TRO: variants seen among roughly 807,000 people sequenced by gnomAD.
TRO encodes the protein trophinin, also known as MAGE superfamily protein.
TRO carries 29 observed loss-of-function variants against 42.3 expected under a neutral mutation model. That is an observed-to-expected ratio of 0.68 (90% CI 0.51 to 0.93). TRO has a LOEUF of 0.93. Among genes scored for constraint, TRO ranks in the 40% least tolerant of loss-of-function variants. TRO has a pLI of 0.00. For synonymous variants in TRO, 384 were observed against 425.2 expected (o/e 0.90, Z 1.19); for missense variants, 963 against 1,127.7 (o/e 0.85, Z 2.09).
In TRO at chrX:54,931,290, A is replaced by G. The variant is rs1423933478; in HGVS notation, c.*98A>G. On this transcript the variant is annotated 3_prime_UTR_variant, in exon 13 of 13. Coordinates refer to ENST00000173898, the MANE Select transcript of TRO (RefSeq NM_001039705.3). Reference sequence around the variant, plus strand: ...AAGTACATCCTTGGAATCTTTGTCCACACAGCAGTCAAGGCAGTTATGGCC... The same window carrying G: ...AAGTACATCCTTGGAATCTTTGTCCGCACAGCAGTCAAGGCAGTTATGGCC... The G allele has an allele frequency of 8.2e-7, 1 of 1,212,191 alleles. No homozygotes were observed. The highest frequency in any genetic ancestry group is 1.8e-5 in the South Asian group (1 of 57,041).
rs746833098 is a variant in TRO at position 54,930,633 on chromosome X, T to A, written c.3909T>A (p.Leu1303=). 3.3e-6 allele frequency: 4 copies of A among 1,206,558 alleles called. No individual in the cohort carries two copies. The South Asian group carries it at 7.1e-5, about 21-fold the overall frequency. ...LGTNASFGST[L]GTSAGFSGGL... ...CCAATGCTAGTTTCGGCAGCACACT[T>A]GGCACCAGTGCTGGCTTTAGTGGTG... Residue 1303 remains leucine, a synonymous_variant, in exon 12 of 13, where the codon CTT becomes CTA. Transcript: ENST00000173898.
chrX:54,926,476 C>A lies in TRO; in HGVS notation c.1644C>A (p.Asn548Lys), dbSNP rs753884277. 1 of 1,212,099 alleles carries A rather than the reference C, an allele frequency of 8.3e-7. No homozygotes were observed. Among genetic ancestry groups the A allele is most frequent in the South Asian group, 1.8e-5 (1 of 56,991 alleles). The change falls in exon 8 of 13, where the codon AAC (asparagine) becomes AAA (lysine). Residue 548 changes from asparagine to lysine, a missense_variant. By Grantham distance (94) the Asn-to-Lys change is moderately conservative. Around this residue, in one of 2 missense-constraint regions of TRO, gnomAD observed 641 missense variants for 811.3 expected, o/e 0.79. Transcript: ENST00000173898. ...TGAGTGTCATTTTTATGAATGGCAA[C>A]AAGGCCAGTGAGGGTGAGTGGCTGG... Reference protein sequence around the residue: ...VILSVIFMNGNKASEAVIWEV... With the variant: ...VILSVIFMNGKKASEAVIWEV...
At chrX:54,925,735 C>A in intron 7 of TRO, 52 bp downstream of exon 7, 1 of 1,022,524 alleles carries the variant, frequency 9.8e-7, no homozygotes, top group Non-Finnish European at 1.4e-6. Flanking sequence ...TTTATCTGTG[C>A]TGCTACCCCT....
chrX:54,926,941 C>G (rs1932786379), intron 9 of TRO, 102 bp from the exon 10 acceptor site: 1 of 959,137 alleles, frequency 1.0e-6, no homozygotes, highest in Admixed American at 2.6e-5. Flanking sequence ...TTCATTGAGA[C>G]TGCCCCATGT....
In TRO at chrX:54,930,096, C is replaced by T; in HGVS notation, c.3372C>T (p.Ser1124=). 1 of 1,210,675 alleles carries T rather than the reference C, an allele frequency of 8.3e-7. No individual in the cohort carries two copies. The highest frequency in any genetic ancestry group is 1.1e-6 in the Non-Finnish European group (1 of 895,141). ...STAADFGGTP[S]NSIGFGAAPS... ...CTGCTGACTTCGGTGGTACTCCCAG[C>T]AACAGCATTGGCTTTGGTGCTGCTC... Residue 1124 remains serine, a synonymous_variant, in exon 12 of 13, where the codon AGC becomes AGT. Coordinates refer to ENST00000173898, the MANE Select transcript of TRO (RefSeq NM_001039705.3).
Position 54,928,742 on chromosome X carries a change from C to G in TRO, c.2018C>G (p.Ala673Gly). 8.3e-7 allele frequency: 1 copy of G among 1,210,379 alleles called. No individual in the cohort carries two copies. Among genetic ancestry groups the G allele is most frequent in the Non-Finnish European group, 1.1e-6 (1 of 894,767 alleles). Reference sequence around the variant, plus strand: ...GCCCAAATGGGGATTGGAGAGGAAGCTGTGGCTGGGCCCTGGAATTGGGAT... The same window carrying G: ...GCCCAAATGGGGATTGGAGAGGAAGGTGTGGCTGGGCCCTGGAATTGGGAT... ...ARAQMGIGEE[A>G]VAGPWNWDDM... Residue 673 changes from alanine (A) to glycine (G), a missense_variant, in exon 12 of 13, where the codon GCT (alanine) becomes GGT (glycine). Ala to Gly is a moderately conservative substitution (Grantham distance 60, BLOSUM62 0). Around this residue, in one of 2 missense-constraint regions of TRO, gnomAD observed 641 missense variants for 811.3 expected, o/e 0.79. Transcript: ENST00000173898.
At chrX:54,926,721 G>A in intron 9 of TRO, 96 bp downstream of exon 9, 7 of 1,177,719 alleles carry the variant, frequency 5.9e-6, no homozygotes, top group Non-Finnish European at 6.9e-6. Flanking sequence ...CTGGTGGAGC[G>A]GGTGGGGTGC....
chrX:54,923,393 G>T lies in TRO; in HGVS notation c.861G>T (p.Gln287His). The T allele has an allele frequency of 8.3e-7, 1 of 1,203,917 alleles. No individual in the cohort carries two copies. Among genetic ancestry groups the T allele is most frequent in the Non-Finnish European group, 1.1e-6 (1 of 891,223 alleles). The change falls in exon 3 of 13, where the codon CAG (glutamine) becomes CAT (histidine). Residue 287 changes from glutamine to histidine, a missense_variant. Around this residue, in one of 2 missense-constraint regions of TRO, gnomAD observed 322 missense variants for 316.5 expected, o/e 1.02. Coordinates refer to ENST00000173898, the MANE Select transcript of TRO (RefSeq NM_001039705.3). Reference sequence around the variant, plus strand: ...ATGTCACTGACGCAGCTACCAGGCAGATTGAGGCCTCAGTAGTGGCTATCA... The same window carrying T: ...ATGTCACTGACGCAGCTACCAGGCATATTGAGGCCTCAGTAGTGGCTATCA... ...ALNVTDAATR[Q>H]IEASVVAIRP...
rs750946614 is a variant in TRO, at chrX:54,922,570, G to T, written c.46-8G>T. The T allele has an allele frequency of 2.7e-4, 323 of 1,196,104 alleles. No individual in the cohort carries two copies. The South Asian group carries it at 5.6e-3, about 21-fold the overall frequency. ...ATGGCCCAGAGGATGGTAATCCTAA[G>T]TGTGTAGGGCCCTCTGCCTCCCCCG... On this transcript the variant is annotated splice_polypyrimidine_tract_variant and splice_region_variant and intron_variant, in intron 2 of 12. Coordinates refer to ENST00000173898, the MANE Select transcript of TRO (RefSeq NM_001039705.3).
chrX:54,922,949 C>A lies in TRO; in HGVS notation c.417C>A (p.Ala139=), dbSNP rs745748652. 4.1e-6 allele frequency: 5 copies of A among 1,211,920 alleles called. No individual in the cohort carries two copies. Among genetic ancestry groups the A allele is most frequent in the Non-Finnish European group, 5.6e-6 (5 of 895,562 alleles). ...ASSVTAQPKK[A]NKMKRVTAKA... is the part of the protein sequence containing the mutation. ...CAGTCACTGCTCAGCCTAAGAAAGC[C>A]AACAAGATGAAGAGAGTTACTGCCA... Residue 139 remains alanine (A), a synonymous_variant, in exon 3 of 13, where the codon GCC becomes GCA. Transcript: ENST00000173898.
chrX:54,926,801 G>C, intron 9 of TRO, 176 bp downstream of exon 9: 1 of 733,530 alleles, frequency 1.4e-6, no homozygotes, highest in Non-Finnish European at 2.0e-6. Context: ...ACTCTCTGCT[G>C]TCTCTCTCCT....
chrX:54,928,916 C>G lies in TRO; in HGVS notation c.2192C>G (p.Ala731Gly), dbSNP rs779175568. Residue 731 changes from alanine (A) to glycine (G), a missense_variant, in exon 12 of 13, where the codon GCT becomes GGT. By Grantham distance (60) the Ala-to-Gly change is moderately conservative. Coordinates refer to ENST00000173898, the MANE Select transcript of TRO (RefSeq NM_001039705.3). ...TTCAGCAGAGGAGCTAGTACCAGGG[C>G]TGGCTTCAGCGATGGTGCTAGTATT... ...VNFSRGASTR[A>G]GFSDGASISF... 3.3e-6 allele frequency: 4 copies of G among 1,209,813 alleles called. No individual in the cohort carries two copies. The East Asian group carries it at 1.2e-4, about 36-fold the overall frequency.
rs762359727 is a variant in TRO, at chrX:54,929,417, G to C, written c.2693G>C (p.Cys898Ser). The C allele has an allele frequency of 8.2e-7, 1 of 1,212,368 alleles. No individual in the cohort carries two copies. Among genetic ancestry groups the C allele is most frequent in the Non-Finnish European group, 1.1e-6 (1 of 895,629 alleles). The change falls in exon 12 of 13, where the codon TGT (cysteine) becomes TCT (serine). Residue 898 changes from cysteine to serine, a missense_variant. Around this residue, in one of 2 missense-constraint regions of TRO, gnomAD observed 641 missense variants for 811.3 expected, o/e 0.79. Coordinates refer to ENST00000173898, the MANE Select transcript of TRO (RefSeq NM_001039705.3). ...GFGGILSTSV[C>S]FGGSPSSSGS... ...GGAGGCATACTCAGCACCAGTGTCTGTTTTGGTGGCTCTCCCAGCTCCAGT... is the reference window on the plus strand; with the variant it reads ...GGAGGCATACTCAGCACCAGTGTCTCTTTTGGTGGCTCTCCCAGCTCCAGT...
chrX:54,920,963 AAG>A, intron 1 of TRO, 85 bp downstream of exon 1: 1 of 111,276 alleles, frequency 9.0e-6, no homozygotes, highest in Middle Eastern at 4.6e-3. Flanking sequence ...ACACGCCCCT[AAG>A]GTTTGAAGAA....
Position 54,927,789 on chromosome X carries a change from G to A in TRO, c.1878+8G>A, listed in dbSNP as rs1602146578. The A allele has an allele frequency of 8.3e-7, 1 of 1,199,178 alleles. No homozygotes were observed. The highest frequency in any genetic ancestry group is 1.1e-6 in the Non-Finnish European group (1 of 885,584). On this transcript the variant is annotated splice_region_variant and intron_variant, in intron 11 of 12. Transcript: ENST00000173898. ...CTCAAGTTTGCATGCAGGGTAAGAG[G>A]AGAGCTGCCCGAGCTTGGCATATTA...
In TRO at chrX:54,924,738, T is replaced by C. The variant is rs762332043; in HGVS notation, c.1405+5T>C. The C allele has an allele frequency of 7.4e-6, 9 of 1,210,380 alleles. No individual in the cohort carries two copies. The highest frequency in any genetic ancestry group is 1.0e-5 in the Non-Finnish European group (9 of 894,027). On this transcript the variant is annotated splice_donor_5th_base_variant and intron_variant, in intron 5 of 12. Transcript: ENST00000173898. ...AGATCCCCATCAAACGCTCAGGTAG[T>C]GTCCTACCAACCCTCCTCCTTGAGC...
At position 54,930,081 on chromosome X, in the gene TRO, C is replaced by T. The variant is rs367900770; in HGVS notation, c.3357C>T (p.Phe1119=). The change falls in exon 12 of 13, where the codon TTC becomes TTT. Residue 1119 remains phenylalanine, a synonymous_variant. Coordinates refer to ENST00000173898, the MANE Select transcript of TRO (RefSeq NM_001039705.3). ...GGGCACTTAGTACCGCTGCTGACTT[C>T]GGTGGTACTCCCAGCAACAGCATTG... ...FGGALSTAAD[F]GGTPSNSIGF... is the part of the protein sequence containing the mutation. 2.4e-5 allele frequency: 29 copies of T among 1,201,203 alleles called. No homozygotes were observed. Among genetic ancestry groups the T allele is most frequent in the South Asian group, 7.1e-5 (4 of 56,048 alleles).
At chrX:54,926,992 T>G in intron 9 of TRO, 51 bp from the exon 10 acceptor site, 1 of 1,181,142 alleles carries the variant, frequency 8.5e-7, no homozygotes, top group Non-Finnish European at 1.2e-6. Flanking sequence ...GCCTCTGCCC[T>G]CATCTGGGCA....
At chrX:54,924,067 A>G (rs1298465695) in intron 3 of TRO, 1 of 347,338 alleles carries the variant, frequency 2.9e-6, no homozygotes, top group Non-Finnish European at 4.9e-6. Flanking sequence ...GTATGTCTGA[A>G]TGTCTTGAAA....
Sources: gnomAD v4.1 joint callset for allele counts on GRCh38, gnomAD v4.1.1 for gene constraint, gnomAD v4.1.1 regional missense constraint, MANE v1.5 for transcripts, NCBI Gene and HGNC (gene_info 2026-07-23, HGNC 2026-07-21) for gene names.